The following EXOSC10 variants were observed in gnomAD, a reference collection of about 807,000 sequenced individuals.
The protein encoded by EXOSC10 is exosome component 10.
EXOSC10 carries 94 observed loss-of-function variants against 126.6 expected under a neutral mutation model. The ratio of observed to expected loss-of-function variants is 0.74; its 90% confidence interval spans 0.63 to 0.88. EXOSC10 has a LOEUF of 0.88. Among genes scored for constraint, EXOSC10 ranks in the 40% least tolerant of loss-of-function variants. The pLI is 0.00. For missense variants in EXOSC10, 1,041 were observed against 1,100.5 expected (o/e 0.95, Z 0.77); for synonymous variants, 395 against 400.8 (o/e 0.99, Z 0.17).
intron 3 of EXOSC10, among the ~76,000 whole-genome samples, chr1:11,094,372 G>A (rs1204006815): frequency 1.3e-5 from 2 of 150,718 alleles, no homozygotes. Context: ...TTGGCTCACT[G>A]CAACCTCTGC....
chr1:11,090,301 G>A (rs1018816341), intron 6 of EXOSC10, among the ~76,000 whole-genome samples: 11 of 152,076 alleles, frequency 7.2e-5, no homozygotes, highest in East Asian at 1.9e-4. Context: ...CCCAGCCTTC[G>A]TGTTTTACAT....
chr1:11,094,604 T>A (rs918952954), intron 3 of EXOSC10, among the ~76,000 whole-genome samples: 4 of 116,452 alleles, frequency 3.4e-5, no homozygotes, highest in Non-Finnish European at 5.1e-5. Flanking sequence ...CCAGGCCACC[T>A]TTTTTTTTTT....
At chr1:11,084,543 G>A (rs1640381101) in intron 9 of EXOSC10, among the ~76,000 whole-genome samples, 3 of 152,144 alleles carry the variant, frequency 2.0e-5, no homozygotes, top group Non-Finnish European at 2.9e-5. Context: ...CAGATGAGTA[G>A]GTTGCGAAGA....
rs1055271660 is a variant in EXOSC10 at position 11,095,509 on chromosome 1, C to T, written c.372+249G>A. On this transcript the variant is annotated intron_variant, in intron 3 of 24. Coordinates refer to ENST00000376936, the MANE Select transcript of EXOSC10 (RefSeq NM_001001998.3). ...CGGGCGGATCACAAGGTCAGGAGAT[C>T]GAGACCATCCTGGCTAACACGGTGA... 16 of 300,590 alleles carry T rather than the reference C, an allele frequency of 5.3e-5. 1 individual carries two copies. Among genetic ancestry groups the T allele is most frequent in the African/African-American group, 2.1e-4 (10 of 46,982 alleles). The allele number at this position is 300,590 out of a possible 1,614,324, so 18.6% of individuals were successfully genotyped here.
At chr1:11,070,854 A>T in intron 21 of EXOSC10, 46 bp downstream of exon 21, 1 of 1,533,346 alleles carries the variant, frequency 6.5e-7, no homozygotes. Context: ...GACCACAAGC[A>T]GGGGCATCGT....
chr1:11,068,787 C>G, intron 22 of EXOSC10, 81 bp from the exon 23 acceptor site: 2 of 1,118,318 alleles, frequency 1.8e-6, no homozygotes, highest in Non-Finnish European at 2.7e-6. Flanking sequence ...AGGCCGGGAC[C>G]ATGACACTCA....
intron 9 of EXOSC10, 55 bp from the exon 10 acceptor site, chr1:11,082,933 G>GCT: frequency 1.5e-6 from 2 of 1,375,162 alleles, no homozygotes; most frequent in South Asian, 2.4e-5. Context: ...CTCATGCTCA[G>GCT]AAATTAACTC....
intron 2 of EXOSC10, 120 bp downstream of exon 2, chr1:11,097,899 AT>A: frequency 9.9e-7 from 1 of 1,012,534 alleles, no homozygotes; most frequent in African/African-American, 1.7e-5. Flanking sequence ...CAATTTTCAC[AT>A]TTTATAGCTC....
chr1:11,071,909 C>T, intron 20 of EXOSC10, 178 bp downstream of exon 20: 1 of 576,698 alleles, frequency 1.7e-6, no homozygotes, highest in Non-Finnish European at 3.1e-6. Context: ...CCACCAATCT[C>T]TCTGCACAGC....
chr1:11,068,125 G>A lies in EXOSC10; in HGVS notation c.2551-41C>T, dbSNP rs748772920. The A allele has an allele frequency of 5.3e-5, 82 of 1,549,670 alleles. No homozygotes were observed. The South Asian group carries it at 8.6e-4, about 16-fold the overall frequency. On this transcript the variant is annotated intron_variant, in intron 23 of 24. Coordinates refer to ENST00000376936, the MANE Select transcript of EXOSC10 (RefSeq NM_001001998.3). ...ACCGTTTAAGCTGGGTGGGCACCTTGACCACAAGATACACAGAAAAACACA... is the reference window on the plus strand; with the variant it reads ...ACCGTTTAAGCTGGGTGGGCACCTTAACCACAAGATACACAGAAAAACACA...
In EXOSC10 at chr1:11,079,967, G is replaced by A. The variant is rs564432892; in HGVS notation, c.1638-145C>T. ...GTGACTAAGGAAACACTGATGTCAGGCCAGCCTAGGCCAACTTCTCCATGT... is the reference window on the plus strand; with the variant it reads ...GTGACTAAGGAAACACTGATGTCAGACCAGCCTAGGCCAACTTCTCCATGT... On this transcript the variant is annotated intron_variant, in intron 13 of 24. Transcript: ENST00000376936. 10 of 650,430 alleles carry A rather than the reference G, an allele frequency of 1.5e-5. No homozygotes were observed. The African/African-American group carries it at 1.6e-4, about 11-fold the overall frequency. 40.3% of individuals were successfully genotyped at this position (650,430 alleles called of 1,614,324 possible).
In EXOSC10 at chr1:11,091,144, A is replaced by G; in HGVS notation, c.513T>C (p.Thr171=). ...TATTTTTTGCATGAAGCAGCCGGAAAGTTTCAGATTTTGCTTTTTTGCCAT... is the reference window on the plus strand; with the variant it reads ...TATTTTTTGCATGAAGCAGCCGGAAGGTTTCAGATTTTGCTTTTTTGCCAT... The part of the protein sequence containing the change: ...AEYGKKAKSE[T]FRLLHAKNII... The change falls in exon 5 of 25, where the codon ACT becomes ACC. Residue 171 remains threonine (T), a synonymous_variant. Coordinates refer to ENST00000376936, the MANE Select transcript of EXOSC10 (RefSeq NM_001001998.3). 6.2e-7 allele frequency: 1 copy of G among 1,614,176 alleles called. No individual in the cohort carries two copies. The highest frequency in any genetic ancestry group is 1.1e-5 in the South Asian group (1 of 91,070).
chr1:11,067,807 G>A (rs577050063), intron 24 of EXOSC10, among the ~76,000 whole-genome samples: 139 of 152,238 alleles, frequency 9.1e-4, no homozygotes, highest in Non-Finnish European at 1.6e-3. Flanking sequence ...GCCTGGCTCT[G>A]TGATGTATGG....
chr1:11,098,177 TG>T, intron 1 of EXOSC10, 21 bp from the exon 2 acceptor site: 1 of 1,589,682 alleles, frequency 6.3e-7, no homozygotes, highest in African/African-American at 1.4e-5. Context: ...CAAGAAAAGA[TG>T]GCATGTTTAC....
chr1:11,081,074 A>C lies in EXOSC10; in HGVS notation c.1437+8T>G, dbSNP rs949783467. On this transcript the variant is annotated splice_region_variant and intron_variant, in intron 11 of 24. Transcript: ENST00000376936. Reference sequence around the variant, plus strand: ...GTCGCGGTCTGTGTGACTGCGGCTGAGGTGTACCTTGAGGCAGATGTCCCT... The same window carrying C: ...GTCGCGGTCTGTGTGACTGCGGCTGCGGTGTACCTTGAGGCAGATGTCCCT... 5.0e-6 allele frequency: 8 copies of C among 1,613,960 alleles called. No homozygotes were observed. The highest frequency in any genetic ancestry group is 6.8e-6 in the Non-Finnish European group (8 of 1,179,922).
chr1:11,068,489 G>A (rs1639245927), intron 23 of EXOSC10, 156 bp downstream of exon 23: 4 of 643,738 alleles, frequency 6.2e-6, no homozygotes, highest in Non-Finnish European at 1.1e-5. Context: ...AGTTGCTGGG[G>A]TAGCTGATCA....
chr1:11,088,252 G>T, intron 6 of EXOSC10, 54 bp from the exon 7 acceptor site: 2 of 1,367,106 alleles, frequency 1.5e-6, no homozygotes, highest in Middle Eastern at 1.8e-4. Flanking sequence ...ATGATTCAAG[G>T]GAAAAATAAT....
At position 11,067,995 on chromosome 1, in the gene EXOSC10, G is replaced by A. The variant is rs369969653; in HGVS notation, c.2627+13C>T. The A allele has an allele frequency of 5.5e-5, 89 of 1,613,238 alleles. No homozygotes were observed. Among genetic ancestry groups the A allele is most frequent in the South Asian group, 4.2e-4 (38 of 91,028 alleles). On this transcript the variant is annotated intron_variant, in intron 24 of 24. Coordinates refer to ENST00000376936, the MANE Select transcript of EXOSC10 (RefSeq NM_001001998.3). ...ACTGGGCTCCCTGGGCCACACCGCCGTCCACCACATACCTGTCTGACTTTC... is the reference window on the plus strand; with the variant it reads ...ACTGGGCTCCCTGGGCCACACCGCCATCCACCACATACCTGTCTGACTTTC...
chr1:11,070,826 A>G, intron 21 of EXOSC10, 74 bp downstream of exon 21: 1 of 1,334,752 alleles, frequency 7.5e-7, no homozygotes, highest in Non-Finnish European at 1.1e-6. Flanking sequence ...GCCCCCTAAG[A>G]TATCCAAGGA....
Sources: gnomAD v4.1 joint callset for allele counts (sites outside exome capture counted in the v4.1 genomes callset) on GRCh38, gnomAD v4.1.1 for gene constraint, MANE v1.5 for transcripts, NCBI Gene and HGNC (gene_info 2026-07-23, HGNC 2026-07-21) for gene names.